ARMH3: variants seen among roughly 807,000 people sequenced by gnomAD.
ARMH3 encodes armadillo-like helical domain-containing protein 3.
ARMH3 carries 60 observed loss-of-function variants against 99.1 expected under a neutral mutation model. The observed-to-expected ratio is 0.61, with a 90% CI of 0.49 to 0.75. The LOEUF is 0.75. Ranked by LOEUF, ARMH3 falls within the 30% of genes least tolerant of loss-of-function variation. The probability of loss-of-function intolerance (pLI) is 0.00; values close to 1 mark genes in which losing one functional copy is unlikely to be tolerated. For synonymous variants in ARMH3, 285 were observed against 292.8 expected, an observed-to-expected ratio of 0.97 and a Z score of 0.27; for missense variants, 679 against 843.1, an observed-to-expected ratio of 0.81 and a Z score of 2.41.
At chr10:101,862,600 C>T (rs2066899395) in intron 24 of ARMH3, among the ~76,000 whole-genome samples, 1 of 151,726 alleles carries the variant, frequency 6.6e-6, no homozygotes, top group African/African-American at 2.4e-5. Context: ...CATGAAGGTA[C>T]ACTGTGATAA....
chr10:101,913,665 C>A (rs1302080788), intron 23 of ARMH3, among the ~76,000 whole-genome samples: 2 of 152,152 alleles, frequency 1.3e-5, no homozygotes, highest in African/African-American at 4.8e-5. Context: ...TGCACCAGGC[C>A]CACATCAGTC....
chr10:102,016,411 A>G (rs1236380695), intron 8 of ARMH3, among the ~76,000 whole-genome samples: 3 of 152,216 alleles, frequency 2.0e-5, no homozygotes, highest in African/African-American at 7.2e-5. Context: ...AGACACATCA[A>G]ATCCTTAGCA....
chr10:102,006,725 A>C, intron 13 of ARMH3, 92 bp from the exon 14 acceptor site: 1 of 1,232,680 alleles, frequency 8.1e-7, no homozygotes, highest in African/African-American at 1.5e-5. Flanking sequence ...GGTATTCTGG[A>C]CCTTATAATT....
intron 18 of ARMH3, 21 bp downstream of exon 18, chr10:101,991,948 A>G (rs1421677465): frequency 1.9e-6 from 3 of 1,601,012 alleles, no homozygotes; most frequent in Non-Finnish European, 2.6e-6. Context: ...AACAATGTCA[A>G]TGTTGATGAT....
intron 23 of ARMH3, among the ~76,000 whole-genome samples, chr10:101,935,414 G>C (rs1843921392): frequency 6.6e-6 from 1 of 152,008 alleles, no homozygotes; most frequent in Non-Finnish European, 1.5e-5. Context: ...CAAGTGAAAA[G>C]CAAAAAGACT....
intron 22 of ARMH3, among the ~76,000 whole-genome samples, chr10:101,940,704 T>G (rs551726603): frequency 4.5e-4 from 68 of 152,294 alleles, no homozygotes; most frequent in African/African-American, 1.6e-3. Flanking sequence ...AGATTAACCT[T>G]TTTTTGCTCC....
At chr10:101,991,066 T>C (rs1846766870) in intron 18 of ARMH3, among the ~76,000 whole-genome samples, 1 of 152,238 alleles carries the variant, frequency 6.6e-6, no homozygotes, top group African/African-American at 2.4e-5. Flanking sequence ...TAGACAGATA[T>C]TGACTGAAAT....
intron 24 of ARMH3, among the ~76,000 whole-genome samples, chr10:101,850,422 CTT>C (rs549822429): frequency 1.5e-5 from 2 of 134,632 alleles, no homozygotes; most frequent in African/African-American, 2.8e-5. Flanking sequence ...CTCTCTCTCT[CTT>C]TTTTTTTTTT....
At chr10:101,886,380 T>C (rs370906806) in intron 24 of ARMH3, among the ~76,000 whole-genome samples, 34 of 141,670 alleles carry the variant, frequency 2.4e-4, no homozygotes, top group African/African-American at 8.4e-4. Flanking sequence ...CATGGTGGCA[T>C]GCACCTCTAA....
At chr10:101,939,252 G>T (rs753980415) in intron 23 of ARMH3, among the ~76,000 whole-genome samples, 1 of 152,274 alleles carries the variant, frequency 6.6e-6, no homozygotes, top group African/African-American at 2.4e-5. Flanking sequence ...AAGAAAAGTC[G>T]AATTTAGGTT....
At chr10:102,008,436 T>C (rs537477654) in intron 13 of ARMH3, among the ~76,000 whole-genome samples, 92 of 152,352 alleles carry the variant, frequency 6.0e-4, no homozygotes, top group African/African-American at 2.1e-3. Flanking sequence ...TGGTCTACTT[T>C]AGTCCTCTTC....
chr10:101,987,546 G>A (rs773292807), intron 19 of ARMH3, among the ~76,000 whole-genome samples: 12 of 152,156 alleles, frequency 7.9e-5, no homozygotes, highest in Non-Finnish European at 5.9e-5. Flanking sequence ...CCTGCAAGAT[G>A]GACCCCAATC....
chr10:101,928,719 G>GT (rs1843603268), intron 23 of ARMH3, among the ~76,000 whole-genome samples: 1 of 152,060 alleles, frequency 6.6e-6, no homozygotes, highest in South Asian at 2.1e-4. Flanking sequence ...ATATTTTGTT[G>GT]TTGTTGTTGT....
rs72287750 is a variant in ARMH3, at chr10:102,002,960, CAAATAAATAAATAAAT to C, written c.1049-904_1049-889del. ...TGGGTGACACAGCGAGACTCTGTCA[CAAATAAATAAATAAAT>C]AAATAAATAAATAAATAAATAAATA... On this transcript the variant is annotated intron_variant, in intron 14 of 25. Transcript: ENST00000370033. Among the ~76,000 whole-genome samples, 15 of 136,096 alleles carry C rather than the reference CAAATAAATAAATAAAT, an allele frequency of 1.1e-4. No homozygotes were observed. The East Asian group carries it at 1.5e-3, about 14-fold the overall frequency. 89.3% of individuals were successfully genotyped at this position (136,096 alleles called of 152,430 possible).
chr10:101,975,104 A>C, intron 20 of ARMH3, 108 bp downstream of exon 20: 9 of 513,348 alleles, frequency 1.8e-5, no homozygotes, highest in East Asian at 3.8e-5. Flanking sequence ...AATAAAGGCA[A>C]CCTAAACAAA....
Position 101,846,744 on chromosome 10 carries a change from G to C in ARMH3, c.*784C>G, listed in dbSNP as rs1564682131. 1 of 152,234 alleles carries C rather than the reference G, an allele frequency of 6.6e-6. No individual in the cohort carries two copies. The highest frequency in any genetic ancestry group is 1.5e-5 in the Non-Finnish European group (1 of 68,080). The allele number at this position is 152,234 out of a possible 1,614,324, so 9.4% of individuals were successfully genotyped here. A position where few individuals can be genotyped will look rare whatever the true frequency, so the allele number is the denominator to read the frequency against. On this transcript the variant is annotated 3_prime_UTR_variant, in exon 26 of 26. Transcript: ENST00000370033. ...TGGGAGGCCAAGGTGGGTGGATCAT[G>C]AACTCAGGATATTGAGACCATCCTG...
intron 1 of ARMH3, among the ~76,000 whole-genome samples, chr10:102,053,895 T>A (rs2067771887): frequency 6.6e-6 from 1 of 152,042 alleles, no homozygotes; most frequent in Admixed American, 6.5e-5. Context: ...CCTGACCTTG[T>A]GATCCGCCGG....
chr10:101,871,260 C>A (rs1260863695), intron 24 of ARMH3, among the ~76,000 whole-genome samples: 1 of 152,158 alleles, frequency 6.6e-6, no homozygotes, highest in African/African-American at 2.4e-5. Flanking sequence ...AGTATCAATT[C>A]TCTTCCAAGT....
rs142598976 is a variant in ARMH3 at position 102,024,798 on chromosome 10, G to A, written c.507+358C>T. Among the ~76,000 whole-genome samples the A allele has an allele frequency of 9.4e-3, 1,409 of 150,160 alleles. 18 individuals are homozygous for A. Among genetic ancestry groups the A allele is most frequent in the African/African-American group, 0.033 (1,333 of 40,816 alleles). ...CACGCCATTGCACTCCAGCCTGGGC[G>A]ACGGAGCAAGACTCTGTCTCAAAAA... On this transcript the variant is annotated intron_variant, in intron 6 of 25. Coordinates refer to ENST00000370033, the MANE Select transcript of ARMH3 (RefSeq NM_024541.3).
Sources: gnomAD v4.1 joint callset for allele counts (sites outside exome capture counted in the v4.1 genomes callset) on GRCh38, gnomAD v4.1.1 for gene constraint, MANE v1.5 for transcripts, NCBI Gene and HGNC (gene_info 2026-07-23, HGNC 2026-07-21) for gene names.